The following NEURL1 variants were observed in gnomAD, a reference collection of about 807,000 sequenced individuals.
The protein encoded by NEURL1 is E3 ubiquitin-protein ligase NEURL1.
Under a neutral mutation model 41.2 loss-of-function variants are expected in NEURL1, and 26 were observed. The ratio of observed to expected loss-of-function variants is 0.63; its 90% CI spans 0.46 to 0.87. The LOEUF (loss-of-function observed/expected upper bound fraction) is 0.87. Among genes scored for constraint, NEURL1 ranks in the 40% least tolerant of loss-of-function variants. The probability of loss-of-function intolerance (pLI) is 0.00; values close to 1 mark genes in which losing one functional copy is unlikely to be tolerated. For missense variants in NEURL1, 761 were observed against 871.1 expected (o/e 0.87, Z 1.59); for synonymous variants, 400 against 402.3 (o/e 0.99, Z 0.07).
At position 103,526,574 on chromosome 10, in the gene NEURL1, C is replaced by T. The variant is rs528718944; in HGVS notation, c.85+32102C>T. Among the ~76,000 whole-genome samples, 10 of 152,160 alleles carry T rather than the reference C, an allele frequency of 6.6e-5. No individual in the cohort carries two copies. In the South Asian group the frequency reaches 8.3e-4, roughly 13 times the overall value. On this transcript the variant is annotated intron_variant, in intron 1 of 5. Coordinates refer to ENST00000369780, the MANE Select transcript of NEURL1 (RefSeq NM_004210.5). ...TCACTCAGGCTGGAGTGCAGTGGCACGATGTCAGCTCACTGCAACCTCTGC... is the reference window on the plus strand; with the variant it reads ...TCACTCAGGCTGGAGTGCAGTGGCATGATGTCAGCTCACTGCAACCTCTGC...
At position 103,533,815 on chromosome 10, in the gene NEURL1, C is replaced by T. The variant is rs561421892; in HGVS notation, c.86-37057C>T. 1.2e-4 allele frequency among the ~76,000 whole-genome samples: 18 copies of T among 152,244 alleles called. No homozygotes were observed. In the South Asian group the frequency reaches 1.2e-3, roughly 11 times the overall value. ...CCTCCCAAAGTGCTGGGATTACAGG[C>T]TTGAGCCACCGCTCCCGGCCTAATT... On this transcript the variant is annotated intron_variant, in intron 1 of 5. Transcript: ENST00000369780.
chr10:103,590,078 A>AAC, intron 5 of NEURL1, 56 bp from the exon 6 acceptor site: 1 of 1,548,962 alleles, frequency 6.5e-7, no homozygotes, highest in Non-Finnish European at 8.9e-7. Flanking sequence ...TCTTCCCGTG[A>AAC]ATCCAGCGCC....
Position 103,571,550 on chromosome 10 carries a change from C to A in NEURL1, c.377C>A (p.Thr126Asn), listed in dbSNP as rs760529035. Reference sequence around the variant, plus strand: ...AGCGGGGCCCTGCGGCTGGGCTTCACCAGCAAGGACCCGTCCCGCATCCAC... The same window carrying A: ...AGCGGGGCCCTGCGGCTGGGCTTCAACAGCAAGGACCCGTCCCGCATCCAC... ...CWSGALRLGF[T>N]SKDPSRIHPD... is the part of the protein sequence containing the mutation. Residue 126 changes from threonine to asparagine, a missense_variant, in exon 3 of 6, where the codon ACC (threonine) becomes AAC (asparagine). Physicochemically the swap from Thr to Asn is moderately conservative, Grantham distance 65 (BLOSUM62 0). Coordinates refer to ENST00000369780, the MANE Select transcript of NEURL1 (RefSeq NM_004210.5). The A allele has an allele frequency of 1.2e-6, 2 of 1,611,916 alleles. No individual in the cohort carries two copies. Among genetic ancestry groups the A allele is most frequent in the South Asian group, 1.1e-5 (1 of 91,024 alleles).
intron 1 of NEURL1, among the ~76,000 whole-genome samples, chr10:103,532,464 G>T (rs547816740): frequency 6.6e-6 from 1 of 152,272 alleles, no homozygotes; most frequent in South Asian, 2.1e-4. Context: ...CAGTGGTGAT[G>T]AATTCTTTCA....
intron 1 of NEURL1, among the ~76,000 whole-genome samples, chr10:103,502,716 G>A (rs957282725): frequency 2.0e-5 from 3 of 152,224 alleles, no homozygotes; most frequent in African/African-American, 7.2e-5. Context: ...CTAAATCACA[G>A]AGCCCAAGAT....
chr10:103,526,497 C>G (rs1428877377), intron 1 of NEURL1, among the ~76,000 whole-genome samples: 2 of 151,770 alleles, frequency 1.3e-5, no homozygotes, highest in Non-Finnish European at 2.9e-5. Context: ...TCAATTTCTG[C>G]TAGGTTTTCT....
chr10:103,544,605 G>A (rs2034889320), intron 1 of NEURL1, among the ~76,000 whole-genome samples: 1 of 152,202 alleles, frequency 6.6e-6, no homozygotes, highest in African/African-American at 2.4e-5. Context: ...GGCAGGCAGT[G>A]TCATGGTTAG....
intron 3 of NEURL1, among the ~76,000 whole-genome samples, chr10:103,579,945 CA>C (rs2035750486): frequency 1.3e-5 from 2 of 152,114 alleles, no homozygotes; most frequent in South Asian, 4.2e-4. Context: ...GACCCCGTAT[CA>C]AAAAATAATA....
chr10:103,537,340 C>G (rs982760827), intron 1 of NEURL1, among the ~76,000 whole-genome samples: 1 of 152,232 alleles, frequency 6.6e-6, no homozygotes, highest in South Asian at 2.1e-4. Flanking sequence ...TTTTGAGGAA[C>G]TGATTCATCT....
At chr10:103,555,792 T>C (rs2035140356) in intron 1 of NEURL1, among the ~76,000 whole-genome samples, 1 of 152,130 alleles carries the variant, frequency 6.6e-6, no homozygotes, top group African/African-American at 2.4e-5. Flanking sequence ...CCTACCCACC[T>C]CTCCCGGGAC....
chr10:103,584,448 CG>C (rs2035852278), intron 3 of NEURL1, 87 bp from the exon 4 acceptor site: 2 of 826,822 alleles, frequency 2.4e-6, no homozygotes, highest in East Asian at 7.1e-5. Flanking sequence ...GGGATTGTAA[CG>C]GTGCGCGCGT....
rs141741776 is a variant in NEURL1, at chr10:103,545,329, G to T, written c.86-25543G>T. 7.8e-3 allele frequency among the ~76,000 whole-genome samples: 1,185 copies of T among 152,334 alleles called. 10 individuals are homozygous for T. Among genetic ancestry groups the T allele is most frequent in the African/African-American group, 0.028 (1,146 of 41,568 alleles). On this transcript the variant is annotated intron_variant, in intron 1 of 5. Transcript: ENST00000369780. The surrounding 1 kb of genome is among the most constrained non-coding windows in gnomAD (Gnocchi z 4.5). ...AGCCCTGAGCCAGCCACATGCCCATGGTCCCCAGGTCTTTAGGGACTAAAA... is the reference window on the plus strand; with the variant it reads ...AGCCCTGAGCCAGCCACATGCCCATTGTCCCCAGGTCTTTAGGGACTAAAA...
At chr10:103,530,202 C>G (rs1201899925) in intron 1 of NEURL1, among the ~76,000 whole-genome samples, 1 of 151,772 alleles carries the variant, frequency 6.6e-6, no homozygotes, top group Non-Finnish European at 1.5e-5. Flanking sequence ...TTTATTTCTA[C>G]TCTGGTCTTT....
intron 1 of NEURL1, among the ~76,000 whole-genome samples, chr10:103,500,358 G>T (rs75106623): frequency 0.037 from 5,659 of 152,278 alleles, 90 homozygotes; most frequent in Non-Finnish European, 0.045. Flanking sequence ...GGGAAAAGGG[G>T]CTAAGAGAGG....
chr10:103,525,585 C>T (rs910362666), intron 1 of NEURL1, among the ~76,000 whole-genome samples: 19 of 152,062 alleles, frequency 1.2e-4, no homozygotes, highest in African/African-American at 4.1e-4. Context: ...AACTCTTGAC[C>T]TCAAGTGATC....
rs180983995 is a variant in NEURL1, at chr10:103,590,629, A to C, written c.*257A>C. The stretch of plus-strand genomic sequence containing the variant: ...CCCTGTCTCTCCCGTCTCTGCACCC[A>C]GCTCCTCTCTGCATGCTGAGGGCTA... On this transcript the variant is annotated 3_prime_UTR_variant, in exon 6 of 6. Coordinates refer to ENST00000369780, the MANE Select transcript of NEURL1 (RefSeq NM_004210.5). 944 of 536,714 alleles carry C rather than the reference A, an allele frequency of 1.8e-3. 5 individuals are homozygous for C. Among genetic ancestry groups the C allele is most frequent in the African/African-American group, 0.016 (852 of 52,750 alleles). The allele number at this position is 536,714 out of a possible 1,614,324, so 33.2% of individuals were successfully genotyped here.
At chr10:103,569,736 T>A (rs1259302216) in intron 1 of NEURL1, among the ~76,000 whole-genome samples, 1 of 152,154 alleles carries the variant, frequency 6.6e-6, no homozygotes, top group Non-Finnish European at 1.5e-5. Context: ...TCCCGTCTTG[T>A]CTCCTTGGTG....
chr10:103,536,296 C>A (rs925463471), intron 1 of NEURL1, among the ~76,000 whole-genome samples: 1 of 152,166 alleles, frequency 6.6e-6, no homozygotes, highest in Non-Finnish European at 1.5e-5. Context: ...TTAATCCCAG[C>A]GCTTTGGGAG....
intron 1 of NEURL1, among the ~76,000 whole-genome samples, chr10:103,515,031 T>C (rs2034167529): frequency 6.6e-6 from 1 of 151,992 alleles, no homozygotes; most frequent in Non-Finnish European, 1.5e-5. Context: ...AGTTTGAGAC[T>C]GGCCTGGCCA....
Sources: allele counts gnomAD v4.1 joint callset (sites outside exome capture counted in the v4.1 genomes callset), GRCh38; gene constraint gnomAD v4.1.1; non-coding constraint Gnocchi (gnomAD v3.1); transcripts MANE v1.5; gene names NCBI Gene and HGNC (gene_info 2026-07-23, HGNC 2026-07-21).